Variants in TBCD observed in about 807,000 individuals in gnomAD.
The protein encoded by TBCD is tubulin folding cofactor D.
In TBCD, 105 loss-of-function variants were observed where a neutral mutation model predicts 169.3. The observed-to-expected ratio is 0.62, with a 90% CI of 0.53 to 0.73. TBCD has a LOEUF of 0.73. Among genes scored for constraint, TBCD ranks in the 30% least tolerant of loss-of-function variants. The probability of loss-of-function intolerance (pLI) is 0.00; values close to 1 mark genes in which losing one functional copy is unlikely to be tolerated. For missense variants in TBCD, 1,444 were observed against 1,600.1 expected, an observed-to-expected ratio of 0.90 and a Z score of 1.66; for synonymous variants, 700 against 643.9, an observed-to-expected ratio of 1.09 and a Z score of -1.32.
At position 82,814,917 on chromosome 17, in the gene TBCD, C is replaced by T. The variant is rs201042677; in HGVS notation, c.1301C>T (p.Pro434Leu). The T allele has an allele frequency of 7.7e-5, 124 of 1,611,626 alleles. No homozygotes were observed. Among genetic ancestry groups the T allele is most frequent in the African/African-American group, 5.2e-4 (39 of 74,656 alleles). The change falls in exon 13 of 39, where the codon CCG (proline) becomes CTG (leucine). Residue 434 changes from proline (P) to leucine (L), a missense_variant. Transcript: ENST00000355528. ...AELGRRGLLL[P>L]SRLVDVVAVI... The stretch of plus-strand genomic sequence containing the variant: ...CTGGGCAGGAGAGGCCTGTTGCTGC[C>T]GTCTCGACTCGTGGATGGTGAGTAG...
chr17:82,809,450 C>T (rs775955100), intron 11 of TBCD, among the ~76,000 whole-genome samples: 8 of 152,296 alleles, frequency 5.3e-5, no homozygotes, highest in African/African-American at 2.4e-5. Context: ...GCAGCGTCCG[C>T]GTTACAGTGG....
chr17:82,823,803 T>A (rs2052604381), intron 13 of TBCD, among the ~76,000 whole-genome samples: 1 of 152,100 alleles, frequency 6.6e-6, no homozygotes, highest in Non-Finnish European at 1.5e-5. Context: ...TATAACAAAT[T>A]TGCTCTTTTT....
At chr17:82,921,016 C>G (rs1208450715) in intron 24 of TBCD, 1 of 272,062 alleles carries the variant, frequency 3.7e-6, no homozygotes, top group African/African-American at 2.3e-5. Flanking sequence ...CAGCAGCCCC[C>G]CACACTGGGC....
At chr17:82,898,060 G>C (rs1051312910) in intron 17 of TBCD, among the ~76,000 whole-genome samples, 1 of 147,522 alleles carries the variant, frequency 6.8e-6, no homozygotes, top group Non-Finnish European at 1.5e-5. Flanking sequence ...GTTTTGGTGT[G>C]AGCACATGGC....
rs990506357 is a variant in TBCD at position 82,923,409 on chromosome 17, T to C, written c.2179-243T>C. The stretch of plus-strand genomic sequence containing the variant: ...GTGCCGAGATCTCAGGGTGACCCGC[T>C]GTGTCCCTGGTCAGGTCCTTCTCTG... On this transcript the variant is annotated intron_variant, in intron 25 of 38. Transcript: ENST00000355528. This position sits in a 1 kb window ranked among gnomAD's most constrained non-coding sequence, Gnocchi z 4.6. Among the ~76,000 whole-genome samples, 1 of 152,156 alleles carries C rather than the reference T, an allele frequency of 6.6e-6. No individual in the cohort carries two copies. The highest frequency in any genetic ancestry group is 2.4e-5 in the African/African-American group (1 of 41,450).
chr17:82,785,780 T>C (rs567003285), intron 7 of TBCD, among the ~76,000 whole-genome samples: 2 of 118,858 alleles, frequency 1.7e-5, no homozygotes, highest in African/African-American at 7.1e-5. Flanking sequence ...GACCACTGGA[T>C]CCCGCCCATC....
chr17:82,808,227 G>A (rs138759707), intron 11 of TBCD, among the ~76,000 whole-genome samples: 2 of 152,188 alleles, frequency 1.3e-5, no homozygotes. Flanking sequence ...GCTGTGCAGG[G>A]ACAGCGATAC....
At chr17:82,817,506 G>A (rs1356979592) in intron 13 of TBCD, among the ~76,000 whole-genome samples, 3 of 152,010 alleles carry the variant, frequency 2.0e-5, no homozygotes, top group African/African-American at 4.8e-5. Context: ...CATGTTGTCC[G>A]GGCTGGTCTC....
chr17:82,779,631 C>T (rs914301692), intron 6 of TBCD, among the ~76,000 whole-genome samples: 3 of 152,200 alleles, frequency 2.0e-5, no homozygotes, highest in Non-Finnish European at 4.4e-5. Context: ...GTGGCTGTCT[C>T]CTGTGTGTTA....
chr17:82,937,968 A>C, intron 35 of TBCD, 81 bp from the exon 36 acceptor site: 2 of 1,580,938 alleles, frequency 1.3e-6, no homozygotes, highest in Non-Finnish European at 1.7e-6. Flanking sequence ...AGGTCTCTGC[A>C]TGGGCCTTTG....
chr17:82,813,518 G>A (rs1165414723), intron 12 of TBCD, among the ~76,000 whole-genome samples: 1 of 152,142 alleles, frequency 6.6e-6, no homozygotes, highest in Non-Finnish European at 1.5e-5. Context: ...CGGATGGACG[G>A]ACGGCATCCC....
intron 36 of TBCD, chr17:82,939,093 G>A: frequency 1.9e-6 from 1 of 532,366 alleles, no homozygotes; most frequent in Non-Finnish European, 3.4e-6. Context: ...TGAGGGAGCA[G>A]GTTGGTTAAT....
At chr17:82,887,587 C>T (rs1191732357) in intron 15 of TBCD, among the ~76,000 whole-genome samples, 1 of 152,144 alleles carries the variant, frequency 6.6e-6, no homozygotes, top group Non-Finnish European at 1.5e-5. Context: ...CATTCGTGCT[C>T]AGGTTTTCGT....
At chr17:82,761,152 CAG>C (rs1315990641) in intron 2 of TBCD, among the ~76,000 whole-genome samples, 1 of 152,082 alleles carries the variant, frequency 6.6e-6, no homozygotes, top group African/African-American at 2.4e-5. Context: ...TGAGTAGAGA[CAG>C]GGTTTCACCA....
intron 7 of TBCD, among the ~76,000 whole-genome samples, chr17:82,796,751 G>C (rs1005653880): frequency 6.6e-6 from 1 of 152,230 alleles, no homozygotes; most frequent in Non-Finnish European, 1.5e-5. Flanking sequence ...CATGGAGAGA[G>C]TCTAAGTTCC....
At chr17:82,854,338 T>C (rs907445044) in intron 13 of TBCD, among the ~76,000 whole-genome samples, 4 of 152,174 alleles carry the variant, frequency 2.6e-5, no homozygotes, top group Admixed American at 2.6e-4. Flanking sequence ...CTTTGATAAA[T>C]CCTTTCCACA....
intron 9 of TBCD, 33 bp downstream of exon 9, chr17:82,801,029 C>T (rs2050473020): frequency 4.4e-6 from 7 of 1,583,686 alleles, no homozygotes; most frequent in African/African-American, 4.1e-5. Flanking sequence ...CTGGGGAGGG[C>T]CACGGGGTGG....
chr17:82,797,039 C>T (rs1179341521), intron 7 of TBCD, among the ~76,000 whole-genome samples: 5 of 152,286 alleles, frequency 3.3e-5, no homozygotes, highest in East Asian at 1.9e-4. Context: ...AATTCATTCG[C>T]GTTTTCTTAG....
chr17:82,874,798 T>G lies in TBCD; in HGVS notation c.1475+4418T>G, dbSNP rs1428000608. ...CGGTTGGGGTGTGCCCTTCCAGATCTCCCTCCCTTGGTTTGTCATAGGTGA... is the reference window on the plus strand; with the variant it reads ...CGGTTGGGGTGTGCCCTTCCAGATCGCCCTCCCTTGGTTTGTCATAGGTGA... On this transcript the variant is annotated intron_variant, in intron 14 of 38. Coordinates refer to ENST00000355528, the MANE Select transcript of TBCD (RefSeq NM_005993.5). This position sits in a 1 kb window ranked among gnomAD's most constrained non-coding sequence, Gnocchi z 5.0. 2.0e-5 allele frequency among the ~76,000 whole-genome samples: 3 copies of G among 152,144 alleles called. No homozygotes were observed. Among genetic ancestry groups the G allele is most frequent in the East Asian group, 3.9e-4 (2 of 5,180 alleles).
Sources: gnomAD v4.1 joint callset for allele counts (sites outside exome capture counted in the v4.1 genomes callset) on GRCh38, gnomAD v4.1.1 for gene constraint, Gnocchi (gnomAD v3.1) non-coding constraint, MANE v1.5 for transcripts, NCBI Gene and HGNC (gene_info 2026-07-23, HGNC 2026-07-21) for gene names.